KLHL2: variants seen among roughly 807,000 people sequenced by gnomAD.
The protein encoded by KLHL2 is kelch-like protein 2.
A neutral mutation model predicts 75.8 loss-of-function variants in KLHL2; 15 were observed. That is an observed-to-expected ratio of 0.20 (90% CI 0.13 to 0.30). KLHL2 has a LOEUF of 0.30. Ranked by LOEUF, KLHL2 falls within the 10% of genes least tolerant of loss-of-function variation. The pLI is 1.00. For synonymous variants in KLHL2, 214 were observed against 251.9 expected, an observed-to-expected ratio of 0.85 and a Z score of 1.42; for missense variants, 381 against 741.0, an observed-to-expected ratio of 0.51 and a Z score of 5.64.
intron 8 of KLHL2, among the ~76,000 whole-genome samples, chr4:165,305,250 C>T (rs1244714223): frequency 1.3e-5 from 2 of 152,130 alleles, no homozygotes; most frequent in Non-Finnish European, 2.9e-5. Flanking sequence ...AATGCCTGGT[C>T]ATTGCAAAAA....
intron 3 of KLHL2, among the ~76,000 whole-genome samples, chr4:165,238,074 A>G (rs557333849): frequency 4.9e-4 from 75 of 152,168 alleles, no homozygotes; most frequent in Non-Finnish European, 8.8e-4. Context: ...ACCTGGTTTT[A>G]GTAATAAAGC....
chr4:165,251,889 G>A (rs1341391109), intron 4 of KLHL2, among the ~76,000 whole-genome samples: 5 of 152,104 alleles, frequency 3.3e-5, no homozygotes, highest in East Asian at 1.9e-4. Flanking sequence ...GATTACAGGC[G>A]TGAGCCACCG....
rs540453338 is a variant in KLHL2, at chr4:165,308,688, T to C, written c.1040-1865T>C. On this transcript the variant is annotated intron_variant, in intron 9 of 14. Transcript: ENST00000226725. ...TCTAAGAGATGGCATATTTGTAGTG[T>C]TATTTTGTGGGTAGAGAAAGGAAAA... 7.9e-5 allele frequency among the ~76,000 whole-genome samples: 12 copies of C among 152,320 alleles called. No individual in the cohort carries two copies. In the East Asian group the frequency reaches 2.3e-3, roughly 29 times the overall value.
At chr4:165,275,499 T>A (rs1267353299) in intron 5 of KLHL2, among the ~76,000 whole-genome samples, 1 of 152,210 alleles carries the variant, frequency 6.6e-6, no homozygotes, top group African/African-American at 2.4e-5. Context: ...AAAAATTGTT[T>A]CAGATTTTTA....
chr4:165,260,335 C>T (rs1470480375), intron 4 of KLHL2, among the ~76,000 whole-genome samples: 8 of 152,120 alleles, frequency 5.3e-5, no homozygotes, highest in Non-Finnish European at 8.8e-5. Flanking sequence ...CATGTAACCA[C>T]GTTTCACTGT....
Position 165,238,818 on chromosome 4 carries a change from A to G in KLHL2, c.300A>G (p.Lys100=), listed in dbSNP as rs1739571763. 1 of 1,613,998 alleles carries G rather than the reference A, an allele frequency of 6.2e-7. No homozygotes were observed. Among genetic ancestry groups the G allele is most frequent in the African/African-American group, 1.3e-5 (1 of 74,920 alleles). The change falls in exon 4 of 15, where the codon AAA becomes AAG. Residue 100 remains lysine, a synonymous_variant. Coordinates refer to ENST00000226725, the MANE Select transcript of KLHL2 (RefSeq NM_007246.4). ...GCCGAGCAAAGAGAGTTAGAATAAAAGAGGTAGATGGCTGGACCCTGAGGA... is the reference window on the plus strand; with the variant it reads ...GCCGAGCAAAGAGAGTTAGAATAAAGGAGGTAGATGGCTGGACCCTGAGGA... ...SESRAKRVRI[K]EVDGWTLRML...
chr4:165,294,281 A>C, intron 5 of KLHL2, 78 bp from the exon 6 acceptor site: 1 of 822,646 alleles, frequency 1.2e-6, no homozygotes, highest in Non-Finnish European at 2.0e-6. Context: ...TAAATTAAGA[A>C]AAACCTTTTT....
intron 1 of KLHL2, among the ~76,000 whole-genome samples, chr4:165,210,468 C>A (rs951553042): frequency 6.6e-6 from 1 of 152,146 alleles, no homozygotes; most frequent in East Asian, 1.9e-4. Context: ...TTTTAATTCT[C>A]ATATAATTAA....
chr4:165,260,449 A>G (rs1156424927), intron 4 of KLHL2, among the ~76,000 whole-genome samples: 1 of 152,122 alleles, frequency 6.6e-6, no homozygotes, highest in Non-Finnish European at 1.5e-5. Flanking sequence ...TCCAGATAGG[A>G]GAATCTACAA....
intron 13 of KLHL2, among the ~76,000 whole-genome samples, chr4:165,317,365 C>CTTT (rs34078288): frequency 6.9e-6 from 1 of 144,468 alleles, no homozygotes. Flanking sequence ...AGAAAGAATT[C>CTTT]TTTTTTTTTT....
intron 9 of KLHL2, among the ~76,000 whole-genome samples, 194 bp from the exon 10 acceptor site, chr4:165,310,359 A>G (rs906404017): frequency 1.1e-4 from 17 of 152,082 alleles, no homozygotes; most frequent in Admixed American, 4.6e-4. Context: ...AATAATAATA[A>G]CCTTAGAAAG....
chr4:165,299,393 C>A, intron 7 of KLHL2, 114 bp from the exon 8 acceptor site: 1 of 885,982 alleles, frequency 1.1e-6, no homozygotes, highest in Non-Finnish European at 1.6e-6. Flanking sequence ...TATTTTTAGA[C>A]TAAACTAAAG....
chr4:165,209,911 C>G (rs149104011), intron 1 of KLHL2: 7 of 938,518 alleles, frequency 7.5e-6, no homozygotes, highest in African/African-American at 1.7e-5. Context: ...CTTGCCACCC[C>G]TTGGCCTGTT....
rs775814778 is a variant in KLHL2 at position 165,227,503 on chromosome 4, G to A, written c.153-1304G>A. 7.9e-5 allele frequency among the ~76,000 whole-genome samples: 12 copies of A among 152,186 alleles called. No homozygotes were observed. The South Asian group carries it at 1.7e-3, about 21-fold the overall frequency. On this transcript the variant is annotated intron_variant, in intron 2 of 14. Coordinates refer to ENST00000226725, the MANE Select transcript of KLHL2 (RefSeq NM_007246.4). ...AGCTACTAGAAAATTACAGAAGTAG[G>A]CAGGCCACCTTTTTAGGAAATAGAA...
chr4:165,211,579 C>G (rs3901486), intron 1 of KLHL2, among the ~76,000 whole-genome samples: 24,384 of 152,116 alleles, frequency 0.16, 2,294 homozygotes, highest in Non-Finnish European at 0.22. Context: ...TTTTGTTTAA[C>G]TAAATGTACA....
chr4:165,298,938 C>CG (rs1191220945), intron 7 of KLHL2, among the ~76,000 whole-genome samples: 1 of 103,484 alleles, frequency 9.7e-6, no homozygotes, highest in Non-Finnish European at 2.3e-5. Context: ...CCCTTCCCCC[C>CG]GCCCCCCCTC....
At chr4:165,250,926 C>T (rs1043096139) in intron 4 of KLHL2, among the ~76,000 whole-genome samples, 26 of 152,264 alleles carry the variant, frequency 1.7e-4, no homozygotes, top group Non-Finnish European at 2.8e-4. Flanking sequence ...GATTGTAGTA[C>T]CATGCTAAAT....
At chr4:165,315,812 A>G (rs907331308) in intron 13 of KLHL2, among the ~76,000 whole-genome samples, 1 of 152,200 alleles carries the variant, frequency 6.6e-6, no homozygotes, top group Admixed American at 6.5e-5. Flanking sequence ...CATGTATTCA[A>G]TGTTAAGCGG....
chr4:165,321,475 T>C (rs1746970791), intron 14 of KLHL2: 1 of 340,072 alleles, frequency 2.9e-6, no homozygotes, highest in Admixed American at 4.1e-5. Context: ...TGTTATGACA[T>C]ACATAACATA....
Sources: gnomAD v4.1 joint callset for allele counts (sites outside exome capture counted in the v4.1 genomes callset) on GRCh38, gnomAD v4.1.1 for gene constraint, MANE v1.5 for transcripts, NCBI Gene and HGNC (gene_info 2026-07-23, HGNC 2026-07-21) for gene names.